Variants in CASK observed in about 807,000 individuals in gnomAD.
CASK encodes peripheral plasma membrane protein CASK.
CASK carries 4 observed loss-of-function variants against 82.9 expected under a neutral mutation model. The ratio of observed to expected loss-of-function variants is 0.05; its 90% CI spans 0.02 to 0.11. CASK has a LOEUF of 0.11. Among genes scored for constraint, CASK ranks in the 10% least tolerant of loss-of-function variants. The probability of loss-of-function intolerance (pLI) is 1.00; values close to 1 mark genes in which losing one functional copy is unlikely to be tolerated. For missense variants in CASK, 358 were observed against 720.9 expected (o/e 0.50, Z 5.76); for synonymous variants, 259 against 253.5 (o/e 1.02, Z -0.20).
chrX:41,528,486 A>G (rs1430051718), intron 25 of CASK, among the ~76,000 whole-genome samples: 1 of 112,116 alleles, frequency 8.9e-6, no homozygotes, highest in Non-Finnish European at 1.9e-5. Context: ...TGGTTTTCCT[A>G]TGGTCCACAT....
intron 9 of CASK, among the ~76,000 whole-genome samples, chrX:41,630,366 G>A (rs2066444913): frequency 9.0e-6 from 1 of 111,692 alleles, no homozygotes. Context: ...AAGATGTATT[G>A]CTGACTTGAA....
At chrX:41,696,362 G>T in intron 5 of CASK, 1 of 1,173,608 alleles carries the variant, frequency 8.5e-7, no homozygotes, top group Non-Finnish European at 1.1e-6. Context: ...AGATTGGGAA[G>T]AATCTATTGA....
chrX:41,620,516 C>T (rs2066272106), intron 11 of CASK, among the ~76,000 whole-genome samples: 1 of 111,470 alleles, frequency 9.0e-6, no homozygotes, highest in Admixed American at 9.6e-5. Flanking sequence ...AATCAAAGCC[C>T]CTCCTTGCAA....
At chrX:41,657,789 T>C (rs1421471427) in intron 8 of CASK, among the ~76,000 whole-genome samples, 2 of 111,524 alleles carry the variant, frequency 1.8e-5, no homozygotes, top group Non-Finnish European at 3.8e-5. Flanking sequence ...CTGTGAAATA[T>C]ATATTTGGTC....
intron 2 of CASK, among the ~76,000 whole-genome samples, chrX:41,825,494 C>T (rs892676692): frequency 1.3e-4 from 15 of 112,017 alleles, no homozygotes; most frequent in Non-Finnish European, 2.1e-4. Context: ...CAGACTCAAA[C>T]GTTTTAAAAT....
chrX:41,615,395 A>G lies in CASK; in HGVS notation c.1034-5370T>C, dbSNP rs150511547. Among the ~76,000 whole-genome samples, 304 of 111,555 alleles carry G rather than the reference A, an allele frequency of 2.7e-3. 1 individual carries two copies. Among genetic ancestry groups the G allele is most frequent in the African/African-American group, 9.4e-3 (290 of 30,715 alleles). ...CCTTGGAAAGCAAGAGATGATGTGA[A>G]GAAATTAGTCCCAAATGTCCCACTG... On this transcript the variant is annotated intron_variant, in intron 11 of 26. Transcript: ENST00000378163.
rs2064675193 is a variant in CASK, at chrX:41,524,016, T to C, written c.2539A>G (p.Thr847Ala). 8.4e-7 allele frequency: 1 copy of C among 1,191,109 alleles called. No individual in the cohort carries two copies. The highest frequency in any genetic ancestry group is 3.0e-5 in the East Asian group (1 of 33,744). Residue 847 changes from threonine to alanine, a missense_variant, in exon 26 of 27, where the codon ACT (threonine) becomes GCT (alanine). This residue lies in a region of CASK where 118 missense variants were observed against 169.4 expected (regional missense o/e 0.70). Transcript: ENST00000378163. ...VEPQALKVLR[T>A]AEFAPFVVFI... ...ACAACAAAAGGAGCAAACTCTGCAG[T>C]TCTCAGGACCTTCAGTGCCTGTGTT...
intron 1 of CASK, among the ~76,000 whole-genome samples, chrX:41,875,942 CA>C (rs1412889618): frequency 2.7e-5 from 3 of 111,153 alleles, no homozygotes; most frequent in Non-Finnish European, 5.7e-5. Context: ...ATTTTCTTAA[CA>C]AAAAATTTCA....
chrX:41,843,148 C>G (rs1158760236), intron 2 of CASK, among the ~76,000 whole-genome samples: 1 of 111,669 alleles, frequency 9.0e-6, no homozygotes, highest in Non-Finnish European at 1.9e-5. Flanking sequence ...AATCTGGATG[C>G]TTTTATTTCT....
chrX:41,793,655 G>T (rs368522625), intron 2 of CASK, among the ~76,000 whole-genome samples: 7 of 111,852 alleles, frequency 6.3e-5, no homozygotes, highest in Non-Finnish European at 3.8e-5. Flanking sequence ...TCAAAATAAA[G>T]AATATTCTAA....
intron 1 of CASK, among the ~76,000 whole-genome samples, chrX:41,855,650 T>A (rs763639492): frequency 9.9e-5 from 11 of 111,514 alleles, no homozygotes; most frequent in Non-Finnish European, 2.1e-4. Context: ...GTACATTTTA[T>A]TGATGTTTGA....
intron 4 of CASK, among the ~76,000 whole-genome samples, chrX:41,744,347 CTT>C (rs746371317): frequency 5.1e-5 from 5 of 98,475 alleles, no homozygotes; most frequent in Admixed American, 1.1e-4. Context: ...ATATTTACTT[CTT>C]TTTTTTTTTT....
chrX:41,796,217 C>T (rs2069850037), intron 2 of CASK, among the ~76,000 whole-genome samples: 1 of 112,853 alleles, frequency 8.9e-6, no homozygotes, highest in Non-Finnish European at 1.9e-5. Flanking sequence ...CACTTAGTAG[C>T]TGCATAACCT....
chrX:41,922,854 C>G (rs1238400714), intron 1 of CASK, 76 bp downstream of exon 1: 23 of 961,348 alleles, frequency 2.4e-5, no homozygotes, highest in Non-Finnish European at 3.4e-5. Flanking sequence ...GGGCAGGCCC[C>G]GAGCGGGTGC....
At chrX:41,710,409 C>G (rs1462451328) in intron 5 of CASK, among the ~76,000 whole-genome samples, 1 of 111,060 alleles carries the variant, frequency 9.0e-6, no homozygotes, top group East Asian at 2.8e-4. Context: ...TCAACTACCA[C>G]CCCTGAAATG....
rs1008303488 is a variant in CASK, at chrX:41,665,397, G to A, written c.588C>T (p.Tyr196=). 8.3e-7 allele frequency: 1 copy of A among 1,209,167 alleles called. No individual in the cohort carries two copies. Among genetic ancestry groups the A allele is most frequent in the South Asian group, 1.8e-5 (1 of 56,693 alleles). The change falls in exon 7 of 27, where the codon TAC becomes TAT. Residue 196 remains tyrosine (Y), a synonymous_variant. Transcript: ENST00000378163. ...MAPEVVKREP[Y]GKPVDVWGCG... Reference sequence around the variant, plus strand: ...ACCCCCAGACGTCTACAGGCTTTCCGTAAGGCTCTCTTTTGACCACTTCTG... The same window carrying A: ...ACCCCCAGACGTCTACAGGCTTTCCATAAGGCTCTCTTTTGACCACTTCTG...
At chrX:41,825,474 A>G (rs1209035967) in intron 2 of CASK, among the ~76,000 whole-genome samples, 1 of 112,360 alleles carries the variant, frequency 8.9e-6, no homozygotes, top group East Asian at 2.8e-4. Context: ...CAGCTTCACA[A>G]TTTTTGTTTC....
intron 1 of CASK, among the ~76,000 whole-genome samples, chrX:41,911,203 C>T (rs2072559299): frequency 8.9e-6 from 1 of 111,947 alleles, no homozygotes; most frequent in Non-Finnish European, 1.9e-5. Flanking sequence ...TAAGAAGATA[C>T]TAAGCCTAAG....
At chrX:41,742,137 A>G (rs1301725664) in intron 4 of CASK, among the ~76,000 whole-genome samples, 1 of 111,981 alleles carries the variant, frequency 8.9e-6, no homozygotes, top group African/African-American at 3.2e-5. Context: ...AAGGATTACT[A>G]TGGTAAGTAG....
Sources: gnomAD v4.1 joint callset for allele counts (sites outside exome capture counted in the v4.1 genomes callset) on GRCh38, gnomAD v4.1.1 for gene constraint, gnomAD v4.1.1 regional missense constraint, MANE v1.5 for transcripts, NCBI Gene and HGNC (gene_info 2026-07-23, HGNC 2026-07-21) for gene names.